Variants in SH3RF2 observed in about 807,000 individuals in gnomAD.
SH3RF2 encodes the protein SH3 domain containing ring finger 2.
SH3RF2 carries 43 observed loss-of-function variants against 59.0 expected under a neutral mutation model. That is an observed-to-expected ratio of 0.73 (90% confidence interval 0.57 to 0.94). SH3RF2 has a LOEUF of 0.94. SH3RF2 is among the 40% of genes least tolerant of loss of function. SH3RF2 has a pLI of 0.00. For synonymous variants in SH3RF2, 391 were observed against 391.5 expected, an observed-to-expected ratio of 1.00 and a Z score of 0.01; for missense variants, 930 against 940.1, an observed-to-expected ratio of 0.99 and a Z score of 0.14.
chr5:145,951,920 T>C (rs948514176), intron 2 of SH3RF2, among the ~76,000 whole-genome samples: 1 of 152,148 alleles, frequency 6.6e-6, no homozygotes, highest in African/African-American at 2.4e-5. Context: ...TAATAGCTAG[T>C]TTCAAATCTC....
intron 5 of SH3RF2, among the ~76,000 whole-genome samples, chr5:146,047,397 A>C (rs1762341891): frequency 6.6e-6 from 1 of 152,174 alleles, no homozygotes; most frequent in South Asian, 2.1e-4. Flanking sequence ...TTCTGAATCA[A>C]TATTAGCCAC....
In SH3RF2 at chr5:146,000,167, AC is replaced by A; in HGVS notation, c.490del (p.Gln164ArgfsTer49). On this transcript the variant is annotated frameshift_variant, in exon 3 of 10. Transcript: ENST00000359120. LOFTEE classifies it high-confidence loss of function. ...CGGAGACAGCTTGATGAGAATTGGT[AC>A]CAGGGGGAAATCAATGGCATCAGCG... ...LLRRQLDENW[Y>X]QGEINGISGN... 1 of 1,613,862 alleles carries A rather than the reference AC, an allele frequency of 6.2e-7. No individual in the cohort carries two copies. The highest frequency in any genetic ancestry group is 1.1e-5 in the South Asian group (1 of 90,994).
chr5:146,052,580 T>A (rs1224994282), intron 7 of SH3RF2, among the ~76,000 whole-genome samples: 1 of 152,212 alleles, frequency 6.6e-6, no homozygotes, highest in African/African-American at 2.4e-5. Flanking sequence ...TATTAGAGGA[T>A]ACGCTCCTGA....
chr5:146,045,126 C>T (rs1224756383), intron 5 of SH3RF2, among the ~76,000 whole-genome samples: 1 of 152,216 alleles, frequency 6.6e-6, no homozygotes, highest in Non-Finnish European at 1.5e-5. Flanking sequence ...ACAGTTTCCA[C>T]ATACATAAGC....
chr5:146,013,922 C>A lies in SH3RF2; in HGVS notation c.920C>A (p.Thr307Asn). Reference sequence around the variant, plus strand: ...TTTTCCATCACAACAGCCTTGAACACTCTCAACCGGATGGTCCATTCTCCT... The same window carrying A: ...TTTTCCATCACAACAGCCTTGAACAATCTCAACCGGATGGTCCATTCTCCT... ...GQFSITTALN[T>N]LNRMVHSPSG... Residue 307 changes from threonine to asparagine, a missense_variant, in exon 5 of 10, where the codon ACT becomes AAT. Transcript: ENST00000359120. 2 of 1,614,160 alleles carry A rather than the reference C, an allele frequency of 1.2e-6. No individual in the cohort carries two copies. The highest frequency in any genetic ancestry group is 1.7e-6 in the Non-Finnish European group (2 of 1,180,026).
chr5:145,944,523 CT>C (rs970086079), intron 2 of SH3RF2, among the ~76,000 whole-genome samples: 39 of 152,142 alleles, frequency 2.6e-4, no homozygotes, highest in African/African-American at 9.4e-4. Context: ...CCCTTCCTTT[CT>C]CCTTCTATTT....
At chr5:146,024,476 T>C (rs1761455678) in intron 5 of SH3RF2, among the ~76,000 whole-genome samples, 1 of 152,224 alleles carries the variant, frequency 6.6e-6, no homozygotes, top group Non-Finnish European at 1.5e-5. Flanking sequence ...AAGTCCCGTA[T>C]CAGTTATATG....
intron 7 of SH3RF2, among the ~76,000 whole-genome samples, chr5:146,054,864 C>T (rs1278290130): frequency 1.3e-5 from 2 of 152,152 alleles, no homozygotes; most frequent in African/African-American, 4.8e-5. Context: ...GTGCCAGGGT[C>T]TTAGTTGAGT....
Position 146,057,928 on chromosome 5 carries a change from G to GTCTCTCTCTCTCTCTC in SH3RF2, c.1555+1741_1555+1756dup, listed in dbSNP as rs58826823. On this transcript the variant is annotated intron_variant, in intron 8 of 9. Transcript: ENST00000359120. ...CTGTACTCCAGTCTGGGCTGTTAGT[G>GTCTCTCTCTCTCTCTC]TCTCTCTCTCTCTCTCTCTCTCTCT... Among the ~76,000 whole-genome samples the GTCTCTCTCTCTCTCTC allele has an allele frequency of 1.6e-3, 218 of 133,188 alleles. 1 individual carries two copies. Among genetic ancestry groups the GTCTCTCTCTCTCTCTC allele is most frequent in the African/African-American group, 5.1e-3 (169 of 33,018 alleles). The allele number at this position is 133,188 out of a possible 152,430, so 87.4% of individuals were successfully genotyped here.
intron 2 of SH3RF2, among the ~76,000 whole-genome samples, chr5:145,981,508 G>A (rs978795559): frequency 7.2e-5 from 11 of 152,204 alleles, no homozygotes; most frequent in Admixed American, 5.9e-4. Flanking sequence ...TCCCCCACAC[G>A]CACACCTCCT....
At chr5:145,969,366 G>A (rs1274635046) in intron 2 of SH3RF2, among the ~76,000 whole-genome samples, 1 of 152,152 alleles carries the variant, frequency 6.6e-6, no homozygotes, top group Admixed American at 6.5e-5. Flanking sequence ...AAAAAGAAGG[G>A]GAGTTGGTGG....
chr5:145,954,208 C>T (rs2895645), intron 2 of SH3RF2, among the ~76,000 whole-genome samples: 14,891 of 152,254 alleles, frequency 0.098, 1,072 homozygotes, highest in East Asian at 0.27. Context: ...TCCGCAACCT[C>T]GCAAGCATCT....
At chr5:145,949,322 A>G (rs1758106399) in intron 2 of SH3RF2, among the ~76,000 whole-genome samples, 1 of 152,240 alleles carries the variant, frequency 6.6e-6, no homozygotes, top group Admixed American at 6.5e-5. Context: ...ATCGCTGTAC[A>G]CATTAAAGTA....
At chr5:145,973,492 G>A (rs1231957955) in intron 2 of SH3RF2, among the ~76,000 whole-genome samples, 2 of 152,168 alleles carry the variant, frequency 1.3e-5, no homozygotes, top group African/African-American at 4.8e-5. Context: ...TTATGCAGTG[G>A]ATATTGAAAT....
chr5:146,046,085 G>A (rs11740646), intron 5 of SH3RF2, among the ~76,000 whole-genome samples: 51,973 of 152,022 alleles, frequency 0.34, 9,264 homozygotes, highest in Non-Finnish European at 0.39. Flanking sequence ...AATCATTGAC[G>A]TAGACACATG....
chr5:146,030,215 G>A (rs1395614961), intron 5 of SH3RF2, among the ~76,000 whole-genome samples: 2 of 152,186 alleles, frequency 1.3e-5, no homozygotes, highest in African/African-American at 2.4e-5. Context: ...GTACTGATGA[G>A]AGAAATCTTG....
chr5:146,000,497 A>G (rs1446385131), intron 3 of SH3RF2, among the ~76,000 whole-genome samples, 170 bp downstream of exon 3: 6 of 152,198 alleles, frequency 3.9e-5, no homozygotes, highest in African/African-American at 1.4e-4. Context: ...TTACGTATGT[A>G]TATATGTAGT....
chr5:145,990,678 G>T (rs1759900111), intron 2 of SH3RF2, among the ~76,000 whole-genome samples: 1 of 152,204 alleles, frequency 6.6e-6, no homozygotes, highest in Non-Finnish European at 1.5e-5. Flanking sequence ...AGACCCTACT[G>T]AGGAGACAAA....
chr5:145,992,846 C>T (rs1219627110), intron 2 of SH3RF2, among the ~76,000 whole-genome samples: 6 of 150,988 alleles, frequency 4.0e-5, no homozygotes, highest in Non-Finnish European at 7.4e-5. Flanking sequence ...CCCCTGGCCC[C>T]TCCCAAATCT....
Sources: allele counts gnomAD v4.1 joint callset (sites outside exome capture counted in the v4.1 genomes callset), GRCh38; gene constraint gnomAD v4.1.1; transcripts MANE v1.5; gene names NCBI Gene and HGNC (gene_info 2026-07-23, HGNC 2026-07-21).